PKHD1: variants seen among roughly 807,000 people sequenced by gnomAD.
The protein encoded by PKHD1 is fibrocystin.
A neutral mutation model predicts 412.0 loss-of-function variants in PKHD1; 291 were observed. The observed-to-expected ratio is 0.71, with a 90% CI of 0.64 to 0.78. PKHD1 has a LOEUF of 0.78. Among genes scored for constraint, PKHD1 ranks in the 30% least tolerant of loss-of-function variants. The pLI is 0.00. For missense variants in PKHD1, 4,825 were observed against 4,950.7 expected, an observed-to-expected ratio of 0.97 and a Z score of 0.76; for synonymous variants, 1,777 against 1,821.5, an observed-to-expected ratio of 0.98 and a Z score of 0.62.
intron 57 of PKHD1, 151 bp from the exon 58 acceptor site, chr6:51,748,816 A>AACTAAAAATGTAGGAATCATT: frequency 1.4e-6 from 1 of 733,958 alleles, no homozygotes; most frequent in African/African-American, 1.7e-5. Context: ...ATAGATTCTC[A>AACTAAAAATGTAGGAATCATT]ACTAAAAATG....
At chr6:51,668,062 GT>G (rs967603339) in intron 60 of PKHD1, among the ~76,000 whole-genome samples, 4 of 152,078 alleles carry the variant, frequency 2.6e-5, no homozygotes, top group Non-Finnish European at 5.9e-5. Flanking sequence ...CTTTAAAGTA[GT>G]TTTTTCCAAT....
chr6:51,962,331 A>G (rs1180391326), intron 35 of PKHD1, among the ~76,000 whole-genome samples: 3 of 152,156 alleles, frequency 2.0e-5, no homozygotes, highest in Non-Finnish European at 4.4e-5. Context: ...AGTGGGTCAA[A>G]GGTAGACTAT....
chr6:51,678,719 C>G (rs1460783306), intron 60 of PKHD1, among the ~76,000 whole-genome samples: 3 of 152,164 alleles, frequency 2.0e-5, no homozygotes, highest in Non-Finnish European at 4.4e-5. Flanking sequence ...GATTATTTTC[C>G]TGTTCATCTA....
intron 61 of PKHD1, among the ~76,000 whole-genome samples, chr6:51,658,273 A>G (rs112830595): frequency 1.9e-4 from 29 of 152,226 alleles, no homozygotes; most frequent in African/African-American, 6.5e-4. Flanking sequence ...ATTTTTTCTC[A>G]TCCTCTTTAT....
At chr6:51,960,078 G>A (rs749053919) in intron 35 of PKHD1, 52 bp from the exon 36 acceptor site, 6 of 1,573,130 alleles carry the variant, frequency 3.8e-6, no homozygotes, top group Non-Finnish European at 4.4e-6. Context: ...TGGCTGGTCT[G>A]TTGCTTCGTT....
At chr6:52,083,305 A>G in intron 2 of PKHD1, 50 bp from the exon 3 acceptor site, 1 of 1,127,144 alleles carries the variant, frequency 8.9e-7, no homozygotes, top group Non-Finnish European at 1.4e-6. Flanking sequence ...GATTCAAACC[A>G]CTACCTTCTG....
intron 35 of PKHD1, among the ~76,000 whole-genome samples, chr6:51,980,878 A>G (rs578099330): frequency 2.0e-5 from 3 of 152,314 alleles, no homozygotes; most frequent in African/African-American, 7.2e-5. Context: ...AACAATAACA[A>G]TACAGTCCAC....
chr6:52,082,499 C>T lies in PKHD1; in HGVS notation c.174G>A (p.Leu58=). Residue 58 remains leucine, a synonymous_variant, in exon 4 of 67, where the codon TTG becomes TTA. Transcript: ENST00000371117. ...TGTTCACGTTCACCAGGTGTATCTC[C>T]AATTGAGAGCCATTGTTGGGGTAAA... ...GVLYPNNGSQ[L]EIHLVNVNMV... The T allele has an allele frequency of 1.2e-6, 2 of 1,614,000 alleles. No homozygotes were observed. Among genetic ancestry groups the T allele is most frequent in the Non-Finnish European group, 1.7e-6 (2 of 1,179,914 alleles).
chr6:51,778,295 T>C (rs1442689622), intron 53 of PKHD1, among the ~76,000 whole-genome samples: 1 of 152,182 alleles, frequency 6.6e-6, no homozygotes, highest in African/African-American at 2.4e-5. Flanking sequence ...CAAATTTATG[T>C]ATTCATAATG....
In PKHD1 at chr6:51,830,986, G is replaced by A; in HGVS notation, c.8177C>T (p.Ser2726Phe). 3.7e-6 allele frequency: 6 copies of A among 1,611,332 alleles called. No homozygotes were observed. Among genetic ancestry groups the A allele is most frequent in the Non-Finnish European group, 5.1e-6 (6 of 1,177,922 alleles). The change falls in exon 52 of 67, where the codon TCT (serine) becomes TTT (phenylalanine). Residue 2726 changes from serine to phenylalanine, a missense_variant. Ser to Phe is a radical substitution (Grantham distance 155). Coordinates refer to ENST00000371117, the MANE Select transcript of PKHD1 (RefSeq NM_138694.4). ...KEGMPPTISA[S>F]TSAPESALKW... is the part of the protein sequence containing the mutation. ...TAAAGCTGATTCAGGGGCAGAGGTAGAAGCTAGAAAATAAAAAAAAATTTT... is the reference window on the plus strand; with the variant it reads ...TAAAGCTGATTCAGGGGCAGAGGTAAAAGCTAGAAAATAAAAAAAAATTTT...
intron 60 of PKHD1, among the ~76,000 whole-genome samples, chr6:51,703,914 T>C (rs569846466): frequency 2.6e-5 from 4 of 152,102 alleles, no homozygotes; most frequent in Admixed American, 2.6e-4. Flanking sequence ...TGCTCTACTG[T>C]TTTGGAGGGA....
chr6:51,956,305 CGTGTGTGTGTGTGTGT>C (rs3062566), intron 36 of PKHD1, among the ~76,000 whole-genome samples: 1 of 150,222 alleles, frequency 6.7e-6, no homozygotes, highest in Non-Finnish European at 1.5e-5. Flanking sequence ...CTTATACATA[CGTGTGTGTGTGTGTGT>C]GTGTGTGTGT....
chr6:52,052,086 T>C (rs1806947851), intron 21 of PKHD1, among the ~76,000 whole-genome samples: 1 of 152,220 alleles, frequency 6.6e-6, no homozygotes, highest in Non-Finnish European at 1.5e-5. Flanking sequence ...ACTGCAATGT[T>C]TAGGCAAAAG....
intron 66 of PKHD1, among the ~76,000 whole-genome samples, chr6:51,621,483 C>T (rs1343303839): frequency 1.3e-5 from 2 of 152,198 alleles, no homozygotes; most frequent in African/African-American, 4.8e-5. Flanking sequence ...ATTTTCAACC[C>T]ATTGAAGATA....
intron 33 of PKHD1, among the ~76,000 whole-genome samples, chr6:52,021,166 AC>A (rs1298368303): frequency 6.6e-6 from 1 of 152,220 alleles, no homozygotes; most frequent in Non-Finnish European, 1.5e-5. Context: ...GTTTGGTGAC[AC>A]CTAGTGGCCA....
chr6:51,910,738 T>G (rs1782809569), intron 39 of PKHD1, among the ~76,000 whole-genome samples: 1 of 151,818 alleles, frequency 6.6e-6, no homozygotes, highest in African/African-American at 2.4e-5. Context: ...TCTGCAGAAT[T>G]GATAAAGTTG....
intron 23 of PKHD1, among the ~76,000 whole-genome samples, chr6:52,047,430 T>A (rs1397164988): frequency 6.6e-6 from 1 of 152,144 alleles, no homozygotes; most frequent in Non-Finnish European, 1.5e-5. Context: ...TGTTCCAACT[T>A]TTATACAGCC....
rs77811645 is a variant in PKHD1, at chr6:52,076,635, A to T, written c.391-302T>A. Among the ~76,000 whole-genome samples the T allele has an allele frequency of 0.026, 3,907 of 152,308 alleles. 80 individuals are homozygous for T. The highest frequency in any genetic ancestry group is 0.084 in the South Asian group (407 of 4,826). On this transcript the variant is annotated intron_variant, in intron 5 of 66. Coordinates refer to ENST00000371117, the MANE Select transcript of PKHD1 (RefSeq NM_138694.4). The stretch of plus-strand genomic sequence containing the variant: ...GCCTGTTTCTACCTGCCCACCTTCC[A>T]TACCCAAGAACACATTTTACTAGAA...
intron 4 of PKHD1, among the ~76,000 whole-genome samples, chr6:52,081,344 T>C (rs1811996305): frequency 6.6e-6 from 1 of 152,166 alleles, no homozygotes; most frequent in Non-Finnish European, 1.5e-5. Context: ...AATGTTAAAT[T>C]CAACAGACAT....
Sources: allele counts gnomAD v4.1 joint callset (sites outside exome capture counted in the v4.1 genomes callset), GRCh38; gene constraint gnomAD v4.1.1; transcripts MANE v1.5; gene names NCBI Gene and HGNC (gene_info 2026-07-23, HGNC 2026-07-21).